ESR1: variants seen among roughly 807,000 people sequenced by gnomAD.
ESR1 encodes estrogen receptor.
Under a neutral mutation model 52.7 loss-of-function variants are expected in ESR1, and 12 were observed. That is an observed-to-expected ratio of 0.23 (90% CI 0.15 to 0.37). ESR1 has a LOEUF of 0.37. Ranked by LOEUF, ESR1 falls within the 10% of genes least tolerant of loss-of-function variation. The pLI, the probability that ESR1 is intolerant of heterozygous loss-of-function variation, is 1.00. For synonymous variants in ESR1, 305 were observed against 316.8 expected (o/e 0.96, Z 0.39); for missense variants, 584 against 779.7 (o/e 0.75, Z 2.99).
intron 2 of ESR1, among the ~76,000 whole-genome samples, chr6:151,846,991 G>A (rs774789382): frequency 1.3e-5 from 2 of 152,180 alleles, no homozygotes; most frequent in South Asian, 2.1e-4. Flanking sequence ...GTTGTGTGGC[G>A]TAGAGGGGGC....
chr6:151,970,205 T>C (rs1035525713), intron 4 of ESR1, among the ~76,000 whole-genome samples: 2 of 152,082 alleles, frequency 1.3e-5, no homozygotes, highest in African/African-American at 2.4e-5. Flanking sequence ...ATTCAGTAAA[T>C]AAGGTTAAGG....
chr6:151,978,661 A>G (rs2039693179), intron 4 of ESR1, among the ~76,000 whole-genome samples: 1 of 152,194 alleles, frequency 6.6e-6, no homozygotes, highest in South Asian at 2.1e-4. Flanking sequence ...AGAGGCAAGC[A>G]GATGACTGAG....
intron 1 of ESR1, among the ~76,000 whole-genome samples, chr6:151,690,969 A>G (rs553509685): frequency 7.9e-4 from 120 of 152,326 alleles, no homozygotes; most frequent in African/African-American, 2.7e-3. Context: ...TCCAGATAAC[A>G]TAAATGTATT....
At chr6:151,698,482 ATTCTGC>A (rs1461095829) in intron 1 of ESR1, among the ~76,000 whole-genome samples, 1 of 152,062 alleles carries the variant, frequency 6.6e-6, no homozygotes, top group Non-Finnish European at 1.5e-5. Flanking sequence ...CTGATTTAGG[ATTCTGC>A]TTGGAAAGGA....
chr6:151,845,429 C>T (rs1417799538), intron 2 of ESR1, among the ~76,000 whole-genome samples: 1 of 152,042 alleles, frequency 6.6e-6, no homozygotes, highest in Non-Finnish European at 1.5e-5. Context: ...ATTAGCTGAG[C>T]GTGGTGGTGC....
chr6:151,684,398 G>A (rs890853362), intron 1 of ESR1, among the ~76,000 whole-genome samples: 1 of 152,178 alleles, frequency 6.6e-6, no homozygotes, highest in Non-Finnish European at 1.5e-5. Flanking sequence ...ATTTAATCTT[G>A]CAGTAACACG....
chr6:151,958,479 T>C (rs1323655681), intron 4 of ESR1, among the ~76,000 whole-genome samples: 1 of 152,232 alleles, frequency 6.6e-6, no homozygotes, highest in Non-Finnish European at 1.5e-5. Flanking sequence ...GGTTCCTGTG[T>C]GCCCATAAGG....
Position 151,897,259 on chromosome 6 carries a change from T to C in ESR1, c.760+16488T>C, listed in dbSNP as rs151199163. ...GTTGACTTTCTGTCTTGATGACCTG[T>C]CTAGTATTGTCAGTGGAGTATTGAA... On this transcript the variant is annotated intron_variant, in intron 3 of 7. Coordinates refer to ENST00000206249, the MANE Select transcript of ESR1 (RefSeq NM_000125.4). Among the ~76,000 whole-genome samples the C allele has an allele frequency of 5.8e-3, 882 of 152,296 alleles. 8 individuals are homozygous for C. The highest frequency in any genetic ancestry group is 0.02 in the African/African-American group (844 of 41,556).
intron 4 of ESR1, among the ~76,000 whole-genome samples, chr6:151,963,309 G>T (rs1424320575): frequency 2.6e-5 from 4 of 152,124 alleles, no homozygotes; most frequent in African/African-American, 9.7e-5. Context: ...CTCTTTCCAG[G>T]GGGTAAAAGC....
intron 4 of ESR1, among the ~76,000 whole-genome samples, chr6:151,960,054 G>A (rs1166287864): frequency 6.6e-6 from 1 of 152,034 alleles, no homozygotes; most frequent in African/African-American, 2.4e-5. Context: ...TGGTGTTAGG[G>A]GTAGGTCTTC....
intron 2 of ESR1, among the ~76,000 whole-genome samples, chr6:151,796,227 TAGAA>T (rs1441588137): frequency 1.3e-5 from 2 of 149,292 alleles, no homozygotes; most frequent in East Asian, 2.0e-4. Context: ...TTTAGTGAAA[TAGAA>T]AGATATCCAA....
At chr6:151,997,569 T>A (rs9340948) in intron 4 of ESR1, among the ~76,000 whole-genome samples, 1 of 152,088 alleles carries the variant, frequency 6.6e-6, no homozygotes, top group Non-Finnish European at 1.5e-5. Context: ...TATGGATGCA[T>A]TGGGAGGAAA....
intron 2 of ESR1, among the ~76,000 whole-genome samples, chr6:151,741,194 C>A (rs983724915): frequency 1.3e-4 from 20 of 152,278 alleles, no homozygotes; most frequent in Non-Finnish European, 2.8e-4. Flanking sequence ...TCCTCCCCTT[C>A]CCTGTCTCCT....
At chr6:152,113,693 A>G (rs9397485) in intron 6 of ESR1, among the ~76,000 whole-genome samples, 34,341 of 152,132 alleles carry the variant, frequency 0.23, 4,367 homozygotes, top group East Asian at 0.36. Flanking sequence ...GTGTGGGAAG[A>G]TCTGGTAATT....
At chr6:151,893,018 G>A (rs2128372879) in intron 3 of ESR1, among the ~76,000 whole-genome samples, 2 of 152,238 alleles carry the variant, frequency 1.3e-5, no homozygotes, top group South Asian at 2.1e-4. Flanking sequence ...GTGAAACCCC[G>A]TCTCTACTAA....
chr6:151,696,309 A>G (rs548614367), intron 1 of ESR1, among the ~76,000 whole-genome samples: 126 of 152,032 alleles, frequency 8.3e-4, no homozygotes, highest in South Asian at 3.5e-3. Flanking sequence ...TATCTCTACT[A>G]AAAATACAAA....
chr6:151,729,087 C>T (rs763021477), intron 2 of ESR1, among the ~76,000 whole-genome samples: 11 of 152,100 alleles, frequency 7.2e-5, no homozygotes, highest in Non-Finnish European at 1.5e-4. Flanking sequence ...TGTTGAAATG[C>T]TAACTCTCAA....
chr6:151,933,877 C>A (rs532654338), intron 3 of ESR1, among the ~76,000 whole-genome samples: 37 of 152,312 alleles, frequency 2.4e-4, no homozygotes, highest in African/African-American at 8.7e-4. Context: ...CTAATACAAA[C>A]CCCCTGCTAC....
At chr6:152,120,278 G>A (rs2051281503) in intron 6 of ESR1, among the ~76,000 whole-genome samples, 2 of 152,206 alleles carry the variant, frequency 1.3e-5, no homozygotes, top group Admixed American at 1.3e-4. Flanking sequence ...ATCGGGAGGA[G>A]TGACAGGAAA....
Sources: allele counts gnomAD v4.1 joint callset (sites outside exome capture counted in the v4.1 genomes callset), GRCh38; gene constraint gnomAD v4.1.1; transcripts MANE v1.5; gene names NCBI Gene and HGNC (gene_info 2026-07-23, HGNC 2026-07-21).